The following NFE2L3 variants were observed in gnomAD, a reference collection of about 807,000 sequenced individuals.
NFE2L3 encodes NFE2 like bZIP transcription factor 3.
A neutral mutation model predicts 23.5 loss-of-function variants in NFE2L3; 18 were observed. That is an observed-to-expected ratio of 0.77 (90% CI 0.53 to 1.13). NFE2L3 has a LOEUF of 1.13. Among genes scored for constraint, NFE2L3 ranks in the 50% most tolerant of loss-of-function variants. The pLI is 0.00. For missense variants in NFE2L3, 1,152 were observed against 877.2 expected (o/e 1.31, Z -3.96); for synonymous variants, 424 against 354.5 (o/e 1.20, Z -2.20).
intron 1 of NFE2L3, among the ~76,000 whole-genome samples, chr7:26,162,490 A>G (rs1784187841): frequency 6.6e-6 from 1 of 152,140 alleles, no homozygotes; most frequent in Non-Finnish European, 1.5e-5. Context: ...ATAATAAGGA[A>G]AAATACAAAA....
At chr7:26,156,674 A>G in intron 1 of NFE2L3, among the ~76,000 whole-genome samples, 1 of 152,252 alleles carries the variant, frequency 6.6e-6, no homozygotes, top group Non-Finnish European at 1.5e-5. Flanking sequence ...AGCTGCCTAC[A>G]GCCAGCTTCA....
At chr7:26,162,726 T>A in intron 1 of NFE2L3, among the ~76,000 whole-genome samples, 1 of 152,016 alleles carries the variant, frequency 6.6e-6, no homozygotes, top group Non-Finnish European at 1.5e-5. Flanking sequence ...TTTTTTTTTT[T>A]TTCTGAGACA....
At chr7:26,181,744 G>T (rs941859236) in intron 2 of NFE2L3, among the ~76,000 whole-genome samples, 8 of 151,924 alleles carry the variant, frequency 5.3e-5, no homozygotes, top group Admixed American at 1.3e-4. Flanking sequence ...TTGTTCATAG[G>T]AACAGAATCT....
chr7:26,179,148 ATAAATTC>A (rs1784463671), intron 2 of NFE2L3, among the ~76,000 whole-genome samples: 4 of 152,018 alleles, frequency 2.6e-5, no homozygotes, highest in African/African-American at 9.7e-5. Context: ...GGCAGGTCCC[ATAAATTC>A]TAGATACTAA....
At chr7:26,183,601 G>A (rs926921320) in intron 2 of NFE2L3, 100 bp from the exon 3 acceptor site, 2 of 727,320 alleles carry the variant, frequency 2.7e-6, no homozygotes, top group Non-Finnish European at 4.9e-6. Context: ...TAAAAATCCA[G>A]TGTGGAAATA....
intron 1 of NFE2L3, among the ~76,000 whole-genome samples, chr7:26,156,059 G>A (rs1456368743): frequency 1.3e-5 from 2 of 152,176 alleles, no homozygotes; most frequent in Admixed American, 6.5e-5. Context: ...AAGAAGTGGG[G>A]TATGCTAGAC....
At chr7:26,177,626 A>G (rs1305609294) in intron 1 of NFE2L3, among the ~76,000 whole-genome samples, 4 of 152,260 alleles carry the variant, frequency 2.6e-5, no homozygotes, top group Non-Finnish European at 4.4e-5. Flanking sequence ...GGGAGGAAGG[A>G]AGGAATCAAT....
At chr7:26,154,696 G>A (rs1020195942) in intron 1 of NFE2L3, among the ~76,000 whole-genome samples, 10 of 152,230 alleles carry the variant, frequency 6.6e-5, no homozygotes, top group Admixed American at 2.0e-4. Context: ...GAGAACTGGC[G>A]TGCACCACCA....
chr7:26,187,120 CTGT>C lies in NFE2L3; in HGVS notation c.*1339_*1341del, dbSNP rs1782507605. ...TTTTTATAATAAAGTTTCCCAAGAC[CTGT>C]TATTTTGCCAGAAATGCTTCTAGTA... On this transcript the variant is annotated 3_prime_UTR_variant, in exon 4 of 4. Transcript: ENST00000056233. The C allele has an allele frequency of 1.3e-5, 2 of 152,148 alleles. No homozygotes were observed. Among genetic ancestry groups the C allele is most frequent in the African/African-American group, 4.8e-5 (2 of 41,432 alleles). 9.4% of individuals were successfully genotyped at this position (152,148 alleles called of 1,614,324 possible).
intron 1 of NFE2L3, among the ~76,000 whole-genome samples, chr7:26,168,078 C>G (rs1784277187): frequency 6.9e-6 from 1 of 144,036 alleles, no homozygotes; most frequent in Non-Finnish European, 1.5e-5. Flanking sequence ...TCCCTCACCC[C>G]CCTCTCTCCC....
Position 26,186,830 on chromosome 7 carries a change from A to G in NFE2L3, c.*1047A>G, listed in dbSNP as rs545679318. ...AACCAGGGTAAGGTAAATTCTAGAA[A>G]TAATAGCATTTGAAATGAAAACCTC... On this transcript the variant is annotated 3_prime_UTR_variant, in exon 4 of 4. Coordinates refer to ENST00000056233, the MANE Select transcript of NFE2L3 (RefSeq NM_004289.7). 6.6e-6 allele frequency: 1 copy of G among 152,356 alleles called. No homozygotes were observed. The highest frequency in any genetic ancestry group is 1.9e-4 in the East Asian group (1 of 5,194). 9.4% of individuals were successfully genotyped at this position (152,356 alleles called of 1,614,324 possible). A position where few individuals can be genotyped will look rare whatever the true frequency, so the allele number is the denominator to read the frequency against.
rs192455001 is a variant in NFE2L3 at position 26,163,911 on chromosome 7, G to A, written c.570+10843G>A. On this transcript the variant is annotated intron_variant, in intron 1 of 3. Transcript: ENST00000056233. The stretch of plus-strand genomic sequence containing the variant: ...TATGAGTAAGAACATGCAGTGTGTG[G>A]TTTTCTGTTCTTGTGCTAGTTTGCT... Among the ~76,000 whole-genome samples, 5 of 152,220 alleles carry A rather than the reference G, an allele frequency of 3.3e-5. No homozygotes were observed. The East Asian group carries it at 9.6e-4, about 29-fold the overall frequency.
intron 1 of NFE2L3, among the ~76,000 whole-genome samples, chr7:26,162,294 T>G (rs2128097880): frequency 6.6e-6 from 1 of 152,090 alleles, no homozygotes; most frequent in Non-Finnish European, 1.5e-5. Flanking sequence ...GCACCTAAGG[T>G]TTCTGCATTT....
intron 1 of NFE2L3, chr7:26,173,771 G>A (rs1343663191): frequency 6.6e-6 from 1 of 152,216 alleles, no homozygotes; most frequent in Non-Finnish European, 1.5e-5. Flanking sequence ...GCAAGGGTCT[G>A]TTATGTGCCA....
chr7:26,183,681 C>G lies in NFE2L3; in HGVS notation c.751-20C>G. 1 of 1,529,312 alleles carries G rather than the reference C, an allele frequency of 6.5e-7. No individual in the cohort carries two copies. Among genetic ancestry groups the G allele is most frequent in the South Asian group, 1.1e-5 (1 of 89,188 alleles). 94.7% of individuals were successfully genotyped at this position (1,529,312 alleles called of 1,614,324 possible). ...TTCAGTCTTTTATGTGAAAGATGCA[C>G]TTTTTGTGTTTCTCTACAGAGACAT... On this transcript the variant is annotated intron_variant, in intron 2 of 3. Coordinates refer to ENST00000056233, the MANE Select transcript of NFE2L3 (RefSeq NM_004289.7).
At chr7:26,183,990 AT>A in intron 3 of NFE2L3, 1 of 524,944 alleles carries the variant, frequency 1.9e-6, no homozygotes, top group East Asian at 3.1e-5. Flanking sequence ...TAGACTAGTC[AT>A]GGAAAACAGC....
chr7:26,172,523 C>T (rs1365056365), intron 1 of NFE2L3, among the ~76,000 whole-genome samples: 3 of 152,172 alleles, frequency 2.0e-5, no homozygotes, highest in African/African-American at 7.2e-5. Context: ...ACTATCTAAT[C>T]TACAGTCCAT....
At position 26,176,887 on chromosome 7, in the gene NFE2L3, G is replaced by T. The variant is rs1311335971; in HGVS notation, c.571-1056G>T. 1.3e-4 allele frequency among the ~76,000 whole-genome samples: 17 copies of T among 133,018 alleles called. 1 individual carries two copies. Among genetic ancestry groups the T allele is most frequent in the South Asian group, 2.8e-4 (1 of 3,510 alleles). 87.3% of individuals were successfully genotyped at this position (133,018 alleles called of 152,430 possible). A position where few individuals can be genotyped will look rare whatever the true frequency, so the allele number is the denominator to read the frequency against. The stretch of plus-strand genomic sequence containing the variant: ...AGGCACTCCTCACCTCCCAGACGGG[G>T]CGGCCGGGCAGAGGCGCTCCTCACA... On this transcript the variant is annotated intron_variant, in intron 1 of 3. Coordinates refer to ENST00000056233, the MANE Select transcript of NFE2L3 (RefSeq NM_004289.7).
In NFE2L3 at chr7:26,171,892, G is replaced by T. The variant is rs1784332632; in HGVS notation, c.571-6051G>T. Reference sequence around the variant, plus strand: ...AGAATGTAAGATGTGAAGGGGGCAGGGTCTGATTGTATTTTTTACTGTCGT... The same window carrying T: ...AGAATGTAAGATGTGAAGGGGGCAGTGTCTGATTGTATTTTTTACTGTCGT... On this transcript the variant is annotated intron_variant, in intron 1 of 3. Coordinates refer to ENST00000056233, the MANE Select transcript of NFE2L3 (RefSeq NM_004289.7). Among the ~76,000 whole-genome samples the T allele has an allele frequency of 2.0e-5, 3 of 152,082 alleles. No individual in the cohort carries two copies. The South Asian group carries it at 6.2e-4, about 32-fold the overall frequency.
Sources: allele counts gnomAD v4.1 joint callset (sites outside exome capture counted in the v4.1 genomes callset), GRCh38; gene constraint gnomAD v4.1.1; transcripts MANE v1.5; gene names NCBI Gene and HGNC (gene_info 2026-07-23, HGNC 2026-07-21).